Variants in OR2T11 observed in about 807,000 individuals in gnomAD.
OR2T11 encodes the protein olfactory receptor 2T11.
OR2T11 carries 14 observed loss-of-function variants against 13.5 expected under a neutral mutation model. The ratio of observed to expected loss-of-function variants is 1.04; its 90% CI spans 0.69 to 1.62. The LOEUF (loss-of-function observed/expected upper bound fraction) is 1.62. OR2T11 is among the 40% of genes most tolerant of loss of function. The pLI, the probability that OR2T11 is intolerant of heterozygous loss-of-function variation, is 0.00. For missense variants in OR2T11, 410 were observed against 389.7 expected (o/e 1.05, Z -0.44); for synonymous variants, 163 against 154.6 (o/e 1.05, Z -0.40).
intron 1 of OR2T11, among the ~76,000 whole-genome samples, chr1:248,629,552 T>C (rs536463010): frequency 1.4e-5 from 2 of 140,704 alleles, no homozygotes; most frequent in South Asian, 4.5e-4. Flanking sequence ...GTCTCATGAA[T>C]CCCTCCAAGT....
chr1:248,634,060 T>G (rs1207572975), intron 1 of OR2T11, among the ~76,000 whole-genome samples: 5 of 142,438 alleles, frequency 3.5e-5, no homozygotes. Flanking sequence ...AAGTCTAACT[T>G]TGTTAATCTT....
chr1:248,627,383 C>CTGG (rs1660541284), intron 1 of OR2T11, 111 bp from the exon 2 acceptor site: 1 of 473,580 alleles, frequency 2.1e-6, no homozygotes, highest in African/African-American at 2.2e-5. Context: ...CATCATGCTG[C>CTGG]TGGAGGTTAT....
chr1:248,627,186 C>T lies in OR2T11; in HGVS notation c.-58G>A. 9.9e-7 allele frequency: 1 copy of T among 1,005,562 alleles called. No homozygotes were observed. The highest frequency in any genetic ancestry group is 1.5e-6 in the Non-Finnish European group (1 of 669,066). The allele number at this position is 1,005,562 out of a possible 1,614,324, so 62.3% of individuals were successfully genotyped here. ...GAAGACACAAGGACCAGGAAGGAGG[C>T]AAGAGAACACGGTCAAGATGGGAAA... On this transcript the variant is annotated 5_prime_UTR_variant, in exon 2 of 2. Coordinates refer to ENST00000641193, the MANE Select transcript of OR2T11 (RefSeq NM_001001964.2).
At position 248,623,872 on chromosome 1, in the gene OR2T11, A is replaced by T. The variant is rs1660476917; in HGVS notation, c.*2306T>A. On this transcript the variant is annotated 3_prime_UTR_variant, in exon 2 of 2. Transcript: ENST00000641193. The stretch of plus-strand genomic sequence containing the variant: ...GGAGGGGGAGTCCGAAGGTTGTCCT[A>T]CAACCCAGATGTCTCTACTAGCTTA... The T allele has an allele frequency of 7.0e-6, 1 of 142,786 alleles. No individual in the cohort carries two copies. The highest frequency in any genetic ancestry group is 2.2e-4 in the South Asian group (1 of 4,498). 8.8% of individuals were successfully genotyped at this position (142,786 alleles called of 1,614,324 possible). A position where few individuals can be genotyped will look rare whatever the true frequency, so the allele number is the denominator to read the frequency against.
intron 1 of OR2T11, among the ~76,000 whole-genome samples, chr1:248,629,153 C>G (rs1471076946): frequency 7.0e-6 from 1 of 142,524 alleles, no homozygotes; most frequent in Non-Finnish European, 1.5e-5. Flanking sequence ...ATGCCTGTAA[C>G]CCCAGCACTT....
chr1:248,623,906 C>CCTCTT lies in OR2T11; in HGVS notation c.*2267_*2271dup, dbSNP rs1660477529. ...ATGTCTCTACTAGCTTATTAACTTA[C>CCTCTT]CTCTTCTCCAAGATGATTCTCTTCT... On this transcript the variant is annotated 3_prime_UTR_variant, in exon 2 of 2. Coordinates refer to ENST00000641193, the MANE Select transcript of OR2T11 (RefSeq NM_001001964.2). 7.2e-6 allele frequency: 1 copy of CCTCTT among 139,600 alleles called. No individual in the cohort carries two copies. The highest frequency in any genetic ancestry group is 7.0e-5 in the Admixed American group (1 of 14,362). 8.6% of individuals were successfully genotyped at this position (139,600 alleles called of 1,614,324 possible). A position where few individuals can be genotyped will look rare whatever the true frequency, so the allele number is the denominator to read the frequency against.
rs370009286 is a variant in OR2T11, at chr1:248,631,752, TA to T, written c.-145+3285del. On this transcript the variant is annotated intron_variant, in intron 1 of 1. Transcript: ENST00000641193. ...GTGTCTGGCTTTATACTGAGGTACA[TA>T]AAAAAAATCTCATCAAATGTACCCC... 2.1e-5 allele frequency among the ~76,000 whole-genome samples: 3 copies of T among 142,494 alleles called. 1 individual carries two copies. Among genetic ancestry groups the T allele is most frequent in the Non-Finnish European group, 3.0e-5 (2 of 66,052 alleles). The allele number at this position is 142,494 out of a possible 152,430, so 93.5% of individuals were successfully genotyped here.
chr1:248,631,320 C>G (rs1572103405), intron 1 of OR2T11, among the ~76,000 whole-genome samples: 1 of 143,532 alleles, frequency 7.0e-6, no homozygotes. Context: ...TCTCAGGCAC[C>G]GTGGACGTGT....
At position 248,624,877 on chromosome 1, in the gene OR2T11, T is replaced by TG. The variant is rs1401744735; in HGVS notation, c.*1300dup. On this transcript the variant is annotated 3_prime_UTR_variant, in exon 2 of 2. Coordinates refer to ENST00000641193, the MANE Select transcript of OR2T11 (RefSeq NM_001001964.2). Reference sequence around the variant, plus strand: ...CCAAGTAGCTGGGACTACAGGCATGTGCCACCACATCCAACTGATATTTGT... The same window carrying TG: ...CCAAGTAGCTGGGACTACAGGCATGTGGCCACCACATCCAACTGATATTTGT... The TG allele has an allele frequency of 7.0e-6, 1 of 143,388 alleles. No individual in the cohort carries two copies. Among genetic ancestry groups the TG allele is most frequent in the African/African-American group, 2.8e-5 (1 of 36,354 alleles). 8.9% of individuals were successfully genotyped at this position (143,388 alleles called of 1,614,324 possible).
intron 1 of OR2T11, among the ~76,000 whole-genome samples, chr1:248,628,146 A>C (rs1240824196): frequency 7.0e-6 from 1 of 143,216 alleles, no homozygotes; most frequent in East Asian, 2.0e-4. Context: ...CACTTACCAG[A>C]ACTGAGGCCA....
At chr1:248,630,269 C>CA (rs147379803) in intron 1 of OR2T11, among the ~76,000 whole-genome samples, 3,027 of 141,594 alleles carry the variant, frequency 0.021, 631 homozygotes, top group African/African-American at 0.08. Flanking sequence ...AATATTTGAT[C>CA]AAAAAAAACT....
In OR2T11 at chr1:248,632,426, AAC is replaced by A. The variant is rs1347619492; in HGVS notation, c.-145+2610_-145+2611del. On this transcript the variant is annotated intron_variant, in intron 1 of 1. Transcript: ENST00000641193. ...TTATGGTGATGTTTACTTTTGTTGT[AAC>A]ACACTAGATCACTTTCTTAGAAGTT... Among the ~76,000 whole-genome samples, 4 of 135,292 alleles carry A rather than the reference AAC, an allele frequency of 3.0e-5. 1 individual carries two copies. The highest frequency in any genetic ancestry group is 6.2e-5 in the Non-Finnish European group (4 of 64,022). 88.8% of individuals were successfully genotyped at this position (135,292 alleles called of 152,430 possible). A position where few individuals can be genotyped will look rare whatever the true frequency, so the allele number is the denominator to read the frequency against.
intron 1 of OR2T11, among the ~76,000 whole-genome samples, 158 bp downstream of exon 1, chr1:248,634,880 T>C (rs1175670236): frequency 2.8e-5 from 4 of 144,938 alleles, no homozygotes; most frequent in Non-Finnish European, 6.0e-5. Context: ...CATTCCTTTT[T>C]GCCTGATATC....
Position 248,626,311 on chromosome 1 carries a change from G to A in OR2T11, c.818C>T (p.Ala273Val), listed in dbSNP as rs1470244185. 6.4e-7 allele frequency: 1 copy of A among 1,570,344 alleles called. No individual in the cohort carries two copies. Among genetic ancestry groups the A allele is most frequent in the Non-Finnish European group, 8.7e-7 (1 of 1,153,748 alleles). Residue 273 changes from alanine to valine, a missense_variant, in exon 2 of 2, where the codon GCC becomes GTC. Ala to Val is a moderately conservative substitution (Grantham distance 64, BLOSUM62 0). Transcript: ENST00000641193. ...HTPEQDKVVS[A>V]FYTIVTPMLN... is the part of the protein sequence containing the mutation. ...CATGGGCGTGACAATGGTATAGAAGGCTGACACTACTTTGTCCTGCTCGGG... is the reference window on the plus strand; with the variant it reads ...CATGGGCGTGACAATGGTATAGAAGACTGACACTACTTTGTCCTGCTCGGG...
In OR2T11 at chr1:248,630,248, T is replaced by C. The variant is rs1457502423; in HGVS notation, c.-144-2976A>G. On this transcript the variant is annotated intron_variant, in intron 1 of 1. Transcript: ENST00000641193. ...CTTCAATGCAAAATAGACAAAAAAA[T>C]GGGATCCACCAATATTTGATCAAAA... is the stretch of plus-strand genomic sequence containing the variant. 3.5e-5 allele frequency among the ~76,000 whole-genome samples: 5 copies of C among 142,088 alleles called. 1 individual carries two copies. Among genetic ancestry groups the C allele is most frequent in the Non-Finnish European group, 7.5e-5 (5 of 66,262 alleles). 93.2% of individuals were successfully genotyped at this position (142,088 alleles called of 152,430 possible).
In OR2T11 at chr1:248,626,144, C is replaced by T. The variant is rs1337574685; in HGVS notation, c.*34G>A. ...GGGAAACAGGGCAAATGGAGGAAGT[C>T]CTTAGGAAGCCTTATCCTCTGGGCA... On this transcript the variant is annotated 3_prime_UTR_variant, in exon 2 of 2. Transcript: ENST00000641193. The T allele has an allele frequency of 6.6e-6, 8 of 1,209,422 alleles. No homozygotes were observed. The African/African-American group carries it at 1.4e-4, about 21-fold the overall frequency. The allele number at this position is 1,209,422 out of a possible 1,614,324, so 74.9% of individuals were successfully genotyped here. A position where few individuals can be genotyped will look rare whatever the true frequency, so the allele number is the denominator to read the frequency against.
Position 248,624,018 on chromosome 1 carries a change from C to T in OR2T11, c.*2160G>A, listed in dbSNP as rs1429711978. The T allele has an allele frequency of 7.1e-6, 1 of 141,190 alleles. No homozygotes were observed. 8.7% of individuals were successfully genotyped at this position (141,190 alleles called of 1,614,324 possible). The stretch of plus-strand genomic sequence containing the variant: ...ACTGCACCGAGAAGATACAAACCAT[C>T]GGAAGGGATCTTAGTTATAACACAC... On this transcript the variant is annotated 3_prime_UTR_variant, in exon 2 of 2. Transcript: ENST00000641193.
rs906443433 is a variant in OR2T11, at chr1:248,624,625, C to A, written c.*1553G>T. The A allele has an allele frequency of 1.4e-5, 2 of 144,102 alleles. No homozygotes were observed. The highest frequency in any genetic ancestry group is 5.4e-5 in the African/African-American group (2 of 36,732). 8.9% of individuals were successfully genotyped at this position (144,102 alleles called of 1,614,324 possible). ...TCTCTTAAGAAAACTCTCAAAAAAC[C>A]TGTTTTTAAATGCTCTTCGTACTCT... On this transcript the variant is annotated 3_prime_UTR_variant, in exon 2 of 2. Coordinates refer to ENST00000641193, the MANE Select transcript of OR2T11 (RefSeq NM_001001964.2).
chr1:248,626,389 A>G lies in OR2T11; in HGVS notation c.740T>C (p.Ile247Thr), dbSNP rs199940579. 2.5e-6 allele frequency: 4 copies of G among 1,572,688 alleles called. No individual in the cohort carries two copies. In the South Asian group the frequency reaches 4.5e-5, roughly 18 times the overall value. Residue 247 changes from isoleucine to threonine, a missense_variant, in exon 2 of 2, where the codon ATC (isoleucine) becomes ACC (threonine). Transcript: ENST00000641193. ...TGTGTAGAAGGCAGCCCCATAGAAG[A>G]TGCTAACTACAGTCAAGTGGGAGGA... ...TCSSHLTVVS[I>T]FYGAAFYTYV... is the part of the protein sequence containing the mutation.
Sources: allele counts gnomAD v4.1 joint callset (sites outside exome capture counted in the v4.1 genomes callset), GRCh38; gene constraint gnomAD v4.1.1; transcripts MANE v1.5; gene names NCBI Gene and HGNC (gene_info 2026-07-23, HGNC 2026-07-21).